Variants in LRP2 observed in about 807,000 individuals in gnomAD.
The protein encoded by LRP2 is LDL receptor related protein 2.
Under a neutral mutation model 531.0 loss-of-function variants are expected in LRP2, and 172 were observed. The observed-to-expected ratio is 0.32, with a 90% CI of 0.29 to 0.37. LRP2 has a LOEUF of 0.37. Ranked by LOEUF, LRP2 falls within the 10% of genes least tolerant of loss-of-function variation. The pLI is 1.00. For missense variants in LRP2, 5,167 were observed against 5,868.3 expected (o/e 0.88, Z 3.90); for synonymous variants, 1,992 against 2,027.6 (o/e 0.98, Z 0.47).
rs1175222629 is a variant in LRP2, at chr2:169,277,890, T to C, written c.1627A>G (p.Met543Val). The C allele has an allele frequency of 1.2e-6, 2 of 1,614,100 alleles. No homozygotes were observed. Among genetic ancestry groups the C allele is most frequent in the Non-Finnish European group, 1.7e-6 (2 of 1,180,010 alleles). Residue 543 changes from methionine to valine, a missense_variant, in exon 13 of 79, where the codon ATG becomes GTG. This residue lies in a region of LRP2 where 2,811 missense variants were observed against 3,058.0 expected (regional missense o/e 0.92). Transcript: ENST00000649046. Reference protein sequence around the residue: ...SGEPKLERAFMDGSNRKDLVK... With the variant: ...SGEPKLERAFVDGSNRKDLVK... Reference sequence around the variant, plus strand: ...AAGTCTTTACGGTTGCTGCCATCCATGAATGCCCTTTCCAGCTTAGGTTCC... The same window carrying C: ...AAGTCTTTACGGTTGCTGCCATCCACGAATGCCCTTTCCAGCTTAGGTTCC...
intron 1 of LRP2, among the ~76,000 whole-genome samples, chr2:169,328,451 A>AG (rs1660944528): frequency 3.7e-5 from 5 of 136,008 alleles, no homozygotes; most frequent in African/African-American, 8.6e-5. Context: ...TAAAAAAAAA[A>AG]AAAAAAAAAA....
chr2:169,361,889 T>C (rs1055352149), intron 1 of LRP2, among the ~76,000 whole-genome samples: 3 of 151,940 alleles, frequency 2.0e-5, no homozygotes, highest in Admixed American at 6.5e-5. Context: ...CGCGAAGGGA[T>C]CCCGGGAGGG....
intron 70 of LRP2, 31 bp from the exon 71 acceptor site, chr2:169,142,824 C>G (rs751754104): frequency 3.1e-6 from 5 of 1,612,806 alleles, no homozygotes; most frequent in South Asian, 2.2e-5. Context: ...GCAGTTAGGT[C>G]CTGACAGAAT....
Position 169,326,045 on chromosome 2 carries a change from CACA to C in LRP2, c.80-5164_80-5162del. On this transcript the variant is annotated intron_variant, in intron 1 of 78. Coordinates refer to ENST00000649046, the MANE Select transcript of LRP2 (RefSeq NM_004525.3). ...AATATGATGCCAGATTCACTAAAGC[CACA>C]AATAAATTCATAACTACTATATGCA... is the stretch of plus-strand genomic sequence containing the variant. Among the ~76,000 whole-genome samples, 5 of 151,878 alleles carry C rather than the reference CACA, an allele frequency of 3.3e-5. No homozygotes were observed. In the Middle Eastern group the frequency reaches 0.014, roughly 413 times the overall value.
intron 17 of LRP2, among the ~76,000 whole-genome samples, chr2:169,257,872 T>C (rs1690377966): frequency 6.6e-6 from 1 of 151,460 alleles, no homozygotes; most frequent in Non-Finnish European, 1.5e-5. Flanking sequence ...AAAAACAACT[T>C]TTTCTCTTTT....
chr2:169,162,311 G>A (rs751560525), intron 63 of LRP2, among the ~76,000 whole-genome samples, 161 bp downstream of exon 63: 1 of 152,196 alleles, frequency 6.6e-6, no homozygotes, highest in Non-Finnish European at 1.5e-5. Flanking sequence ...GTCTGGTCTA[G>A]GATAAGCACT....
chr2:169,181,343 GA>G, intron 52 of LRP2, 104 bp downstream of exon 52: 1 of 1,144,402 alleles, frequency 8.7e-7, no homozygotes, highest in Non-Finnish European at 1.3e-6. Context: ...ACTTCCAACA[GA>G]CAGGCCAGTT....
At chr2:169,214,684 C>A (rs1688715042) in intron 35 of LRP2, among the ~76,000 whole-genome samples, 1 of 152,070 alleles carries the variant, frequency 6.6e-6, no homozygotes, top group Admixed American at 6.6e-5. Context: ...AGAGTGGAGG[C>A]CAGGACCAGA....
intron 1 of LRP2, among the ~76,000 whole-genome samples, chr2:169,338,253 A>C (rs554631510): frequency 2.0e-5 from 3 of 147,238 alleles, no homozygotes; most frequent in South Asian, 2.2e-4. Flanking sequence ...GGAAGGGAGA[A>C]AGAAAAACAA....
chr2:169,194,007 A>T (rs1367107044), intron 46 of LRP2, 115 bp from the exon 47 acceptor site: 4 of 1,108,564 alleles, frequency 3.6e-6, no homozygotes, highest in Admixed American at 3.8e-5. Context: ...GCATTATTTA[A>T]TTATATACAT....
chr2:169,245,355 T>C (rs148127810), intron 21 of LRP2, among the ~76,000 whole-genome samples: 172 of 152,288 alleles, frequency 1.1e-3, no homozygotes, highest in African/African-American at 3.9e-3. Context: ...ATTCAGACTA[T>C]AGAAAGCTTG....
At position 169,210,459 on chromosome 2, in the gene LRP2, T is replaced by C. The variant is rs115050496; in HGVS notation, c.6281-818A>G. Among the ~76,000 whole-genome samples the C allele has an allele frequency of 3.6e-3, 550 of 152,348 alleles. 2 individuals are homozygous for C. The highest frequency in any genetic ancestry group is 5.4e-3 in the Non-Finnish European group (369 of 68,026). The stretch of plus-strand genomic sequence containing the variant: ...AACTAACACAGCATAACCTATAAAG[T>C]ATTATTGCTAAATGTATTTAACCTT... On this transcript the variant is annotated intron_variant, in intron 37 of 78. Transcript: ENST00000649046.
At chr2:169,307,129 C>T in intron 4 of LRP2, 152 bp downstream of exon 4, 3 of 694,986 alleles carry the variant, frequency 4.3e-6, no homozygotes, top group Non-Finnish European at 8.0e-6. Context: ...CAGAACATCA[C>T]CCCTAATCCA....
chr2:169,222,415 T>G (rs1039643933), intron 33 of LRP2, among the ~76,000 whole-genome samples: 3 of 152,166 alleles, frequency 2.0e-5, no homozygotes, highest in African/African-American at 7.2e-5. Flanking sequence ...GAAAATGCAG[T>G]GTTGTCCCCA....
intron 16 of LRP2, among the ~76,000 whole-genome samples, chr2:169,269,465 C>T (rs1683338996): frequency 6.6e-6 from 1 of 152,206 alleles, no homozygotes; most frequent in South Asian, 2.1e-4. Flanking sequence ...CTACAACCAT[C>T]TGATCTTTGA....
chr2:169,286,654 T>G (rs181014863), intron 9 of LRP2, among the ~76,000 whole-genome samples: 58 of 152,190 alleles, frequency 3.8e-4, no homozygotes, highest in African/African-American at 1.3e-3. Context: ...TGTTGGAAAA[T>G]ATGGAAAATG....
chr2:169,301,933 G>C (rs1459752459), intron 4 of LRP2, among the ~76,000 whole-genome samples: 1 of 152,088 alleles, frequency 6.6e-6, no homozygotes, highest in East Asian at 1.9e-4. Context: ...GAATATTAGA[G>C]GGAAGAATTG....
At chr2:169,289,191 C>A (rs1427258792) in intron 8 of LRP2, 46 bp from the exon 9 acceptor site, 3 of 1,611,378 alleles carry the variant, frequency 1.9e-6, no homozygotes, top group Non-Finnish European at 2.5e-6. Context: ...GACCTCTGGA[C>A]AAGACTGATT....
rs1470204583 is a variant in LRP2 at position 169,138,696 on chromosome 2, G to C, written c.13399C>G (p.Leu4467Val). The C allele has an allele frequency of 1.2e-6, 2 of 1,613,932 alleles. No homozygotes were observed. The highest frequency in any genetic ancestry group is 8.5e-7 in the Non-Finnish European group (1 of 1,179,892). Residue 4467 changes from leucine (L) to valine (V), a missense_variant, in exon 75 of 79, where the codon CTC becomes GTC. Leu to Val is a conservative substitution (Grantham distance 32). Around this residue, in one of 6 missense-constraint regions of LRP2, gnomAD observed 348 missense variants for 369.3 expected, o/e 0.94. Transcript: ENST00000649046. ...TTCCCATTTTCAGAGGGCTTGACGA[G>C]ACTGCTTAAGCTGGAAAGAAGTAAC... ...ALPKLPSLSS[L>V]VKPSENGNGV...
Sources: gnomAD v4.1 joint callset for allele counts (sites outside exome capture counted in the v4.1 genomes callset) on GRCh38, gnomAD v4.1.1 for gene constraint, gnomAD v4.1.1 regional missense constraint, MANE v1.5 for transcripts, NCBI Gene and HGNC (gene_info 2026-07-23, HGNC 2026-07-21) for gene names.